The following LHFPL3 variants were observed in gnomAD, a reference collection of about 807,000 sequenced individuals.
LHFPL3 encodes LHFPL tetraspan subfamily member 3, also known as LHFPL tetraspan subfamily member 3 protein.
A neutral mutation model predicts 19.3 loss-of-function variants in LHFPL3; 5 were observed. The observed-to-expected ratio is 0.26, with a 90% CI of 0.14 to 0.54. The LOEUF (loss-of-function observed/expected upper bound fraction) is 0.54, where lower values mean the gene tolerates loss of function less well. Among genes scored for constraint, LHFPL3 ranks in the 20% least tolerant of loss-of-function variants. LHFPL3 has a pLI of 0.94. For missense variants in LHFPL3, 249 were observed against 307.4 expected, an observed-to-expected ratio of 0.81 and a Z score of 1.42; for synonymous variants, 133 against 126.2, an observed-to-expected ratio of 1.05 and a Z score of -0.36.
intron 1 of LHFPL3, among the ~76,000 whole-genome samples, chr7:104,381,344 T>C (rs1165555244): frequency 6.6e-6 from 1 of 152,234 alleles, no homozygotes; most frequent in Non-Finnish European, 1.5e-5. Flanking sequence ...CTAGTATTTT[T>C]GCCTTATGTT....
chr7:104,442,256 GCTGCTGAATT>G (rs1792241736), intron 1 of LHFPL3, among the ~76,000 whole-genome samples: 1 of 137,910 alleles, frequency 7.3e-6, no homozygotes, highest in African/African-American at 2.7e-5. Context: ...TTTTTTTTTT[GCTGCTGAATT>G]GTAGTGGTTC....
intron 1 of LHFPL3, among the ~76,000 whole-genome samples, chr7:104,448,300 C>G (rs1228604971): frequency 6.6e-6 from 1 of 152,148 alleles, no homozygotes; most frequent in African/African-American, 2.4e-5. Context: ...GTCCACAGTG[C>G]CAGAGTTAGA....
chr7:104,421,913 T>C (rs990597535), intron 1 of LHFPL3, among the ~76,000 whole-genome samples: 32 of 152,162 alleles, frequency 2.1e-4, no homozygotes, highest in African/African-American at 5.8e-4. Context: ...ATTAGTATCC[T>C]TATAAGGAAA....
intron 1 of LHFPL3, among the ~76,000 whole-genome samples, chr7:104,431,006 C>T (rs750221362): frequency 7.9e-5 from 12 of 152,012 alleles, no homozygotes; most frequent in Non-Finnish European, 1.6e-4. Context: ...AATAAAATAT[C>T]GTGACCAAAT....
intron 1 of LHFPL3, among the ~76,000 whole-genome samples, chr7:104,694,362 G>A (rs940215739): frequency 6.6e-6 from 1 of 152,186 alleles, no homozygotes; most frequent in Admixed American, 6.5e-5. Context: ...CAAAGGTGGA[G>A]AAACACTGGT....
At chr7:104,628,249 A>T (rs1215824429) in intron 1 of LHFPL3, among the ~76,000 whole-genome samples, 1 of 152,178 alleles carries the variant, frequency 6.6e-6, no homozygotes, top group African/African-American at 2.4e-5. Context: ...GTAATTTTGT[A>T]TTAGGAACAT....
At chr7:104,668,587 G>T in intron 1 of LHFPL3, 3 of 1,612,728 alleles carry the variant, frequency 1.9e-6, no homozygotes, top group South Asian at 2.2e-5. Context: ...TTTGGCAGTG[G>T]GTATCGCAGG....
chr7:104,433,841 G>A (rs1288369827), intron 1 of LHFPL3, among the ~76,000 whole-genome samples: 1 of 152,012 alleles, frequency 6.6e-6, no homozygotes, highest in Non-Finnish European at 1.5e-5. Context: ...CTTCTACACT[G>A]TAAGATCCTT....
At chr7:104,681,157 T>C (rs1455100607) in intron 1 of LHFPL3, among the ~76,000 whole-genome samples, 12 of 147,092 alleles carry the variant, frequency 8.2e-5, no homozygotes, top group Admixed American at 3.4e-4. Context: ...TTTTCTTCTT[T>C]TTTTTTTTTT....
At chr7:104,777,493 T>C (rs935607384) in intron 2 of LHFPL3, among the ~76,000 whole-genome samples, 3 of 152,204 alleles carry the variant, frequency 2.0e-5, no homozygotes, top group South Asian at 2.1e-4. Flanking sequence ...CAGAGTCTGA[T>C]TGGACTAAGG....
intron 2 of LHFPL3, among the ~76,000 whole-genome samples, chr7:104,822,121 G>T (rs1321407588): frequency 6.6e-6 from 1 of 152,174 alleles, no homozygotes; most frequent in Non-Finnish European, 1.5e-5. Context: ...CTGTTTAAGG[G>T]AGTTTCCCAT....
chr7:104,811,162 CTTTCTTTCT>C (rs141301507), intron 2 of LHFPL3, among the ~76,000 whole-genome samples: 90,397 of 133,140 alleles, frequency 0.68, 31,405 homozygotes, highest in South Asian at 0.76. Flanking sequence ...TTCTTTCTTT[CTTTCTTTCT>C]TTTCTTTTCT....
intron 1 of LHFPL3, among the ~76,000 whole-genome samples, chr7:104,666,509 A>ATTTTTTTTTTT (rs1315147894): frequency 2.3e-5 from 1 of 44,160 alleles, no homozygotes; most frequent in Non-Finnish European, 4.6e-5. Context: ...ACAGGATTTC[A>ATTTTTTTTTTT]TTCTTTTTTT....
rs142335767 is a variant in LHFPL3, at chr7:104,667,891, AAGG to A, written c.446-68781_446-68779del. ...TGGGCTGATGAAACGGATGACCTGG[AAGG>A]AGATGTTTCTACAACTTGGCACAGT... On this transcript the variant is annotated intron_variant, in intron 1 of 2. Coordinates refer to ENST00000424859, the MANE Select transcript of LHFPL3 (RefSeq NM_199000.3). 7,381 of 1,612,580 alleles carry A rather than the reference AAGG, an allele frequency of 4.6e-3. 331 individuals carry two copies. In the East Asian group the frequency reaches 0.11, roughly 24 times the overall value.
chr7:104,825,996 G>A (rs1790811677), intron 2 of LHFPL3, among the ~76,000 whole-genome samples: 1 of 151,906 alleles, frequency 6.6e-6, no homozygotes, highest in Non-Finnish European at 1.5e-5. Context: ...CAACAATATG[G>A]GGGATAAAGG....
chr7:104,392,669 A>C (rs112688193), intron 1 of LHFPL3, among the ~76,000 whole-genome samples: 1 of 152,140 alleles, frequency 6.6e-6, no homozygotes, highest in South Asian at 2.1e-4. Context: ...TGTCTCTGCC[A>C]GGCTTTGGTA....
At chr7:104,648,705 G>C (rs1279100846) in intron 1 of LHFPL3, among the ~76,000 whole-genome samples, 1 of 152,142 alleles carries the variant, frequency 6.6e-6, no homozygotes, top group African/African-American at 2.4e-5. Flanking sequence ...ATAAGTGCTG[G>C]TCCTGGTTAA....
chr7:104,351,991 G>A (rs1358258948), intron 1 of LHFPL3, among the ~76,000 whole-genome samples: 1 of 151,900 alleles, frequency 6.6e-6, no homozygotes. Flanking sequence ...TTGAGGCCAG[G>A]AGTTTGAAAC....
chr7:104,563,426 G>T (rs560249296), intron 1 of LHFPL3, among the ~76,000 whole-genome samples: 1 of 152,426 alleles, frequency 6.6e-6, no homozygotes, highest in African/African-American at 2.4e-5. Flanking sequence ...CAGTATTCGG[G>T]TGGGAGTGAC....
Sources: allele counts gnomAD v4.1 joint callset (sites outside exome capture counted in the v4.1 genomes callset), GRCh38; gene constraint gnomAD v4.1.1; transcripts MANE v1.5; gene names NCBI Gene and HGNC (gene_info 2026-07-23, HGNC 2026-07-21).